Variants in TIAM1 observed in about 807,000 individuals in gnomAD.
TIAM1 encodes rho guanine nucleotide exchange factor TIAM1.
Under a neutral mutation model 163.5 loss-of-function variants are expected in TIAM1, and 65 were observed. The ratio of observed to expected loss-of-function variants is 0.40; its 90% CI spans 0.33 to 0.49. The LOEUF (loss-of-function observed/expected upper bound fraction) is 0.49, where lower values mean the gene tolerates loss of function less well. TIAM1 is among the 20% of genes least tolerant of loss of function. The pLI is 0.77. For missense variants in TIAM1, 1,789 were observed against 2,044.7 expected, an observed-to-expected ratio of 0.87 and a Z score of 2.41; for synonymous variants, 833 against 810.1, an observed-to-expected ratio of 1.03 and a Z score of -0.48.
At chr21:31,331,396 C>A (rs771104286) in intron 2 of TIAM1, among the ~76,000 whole-genome samples, 11 of 152,204 alleles carry the variant, frequency 7.2e-5, no homozygotes, top group Admixed American at 1.3e-4. Context: ...ATAGGCCCAA[C>A]CAGCCACAAT....
chr21:31,165,321 C>G (rs1601377908), intron 15 of TIAM1, among the ~76,000 whole-genome samples: 3 of 152,130 alleles, frequency 2.0e-5, no homozygotes, highest in Admixed American at 2.0e-4. Context: ...TCCCCCCATA[C>G]AAATTCTTAT....
chr21:31,130,333 C>G lies in TIAM1; in HGVS notation c.3943-18G>C, dbSNP rs774173627. ...GATCCTACCTGCAGAGGAGAAGGAA[C>G]CAGCTGCATAAGAAGAATCTAACCT... On this transcript the variant is annotated intron_variant, in intron 24 of 27. Coordinates refer to ENST00000541036, the MANE Select transcript of TIAM1 (RefSeq NM_001353694.2). The G allele has an allele frequency of 2.1e-5, 34 of 1,595,616 alleles. No individual in the cohort carries two copies.
At chr21:31,145,968 G>A (rs8129728) in intron 20 of TIAM1, among the ~76,000 whole-genome samples, 18,305 of 152,138 alleles carry the variant, frequency 0.12, 1,290 homozygotes, top group African/African-American at 0.2. Flanking sequence ...CCAAGAACCT[G>A]TCGACAACGT....
chr21:31,507,653 T>C (rs529527903), intron 1 of TIAM1, among the ~76,000 whole-genome samples: 2 of 152,342 alleles, frequency 1.3e-5, no homozygotes, highest in African/African-American at 4.8e-5. Context: ...CGATCAATCA[T>C]GACCTAAAGT....
chr21:31,455,780 G>C (rs779430091), intron 2 of TIAM1, among the ~76,000 whole-genome samples: 2 of 152,182 alleles, frequency 1.3e-5, no homozygotes, highest in Admixed American at 1.3e-4. Context: ...AACCAAAATT[G>C]AGGAATCTTC....
chr21:31,432,540 A>G (rs1325718478), intron 2 of TIAM1, among the ~76,000 whole-genome samples: 1 of 152,240 alleles, frequency 6.6e-6, no homozygotes, highest in South Asian at 2.1e-4. Context: ...TGGCCTTCCC[A>G]GACACACTCT....
intron 2 of TIAM1, among the ~76,000 whole-genome samples, chr21:31,440,323 C>T (rs2044372707): frequency 6.6e-6 from 1 of 152,184 alleles, no homozygotes; most frequent in African/African-American, 2.4e-5. Context: ...GCTCAAACTA[C>T]ATCTCATGCA....
chr21:31,526,787 C>T (rs1230077420), intron 1 of TIAM1, among the ~76,000 whole-genome samples: 2 of 152,096 alleles, frequency 1.3e-5, no homozygotes, highest in Admixed American at 6.5e-5. Flanking sequence ...CTAAAACCTC[C>T]GCCTCCCAGG....
At chr21:31,391,222 A>C (rs539071055) in intron 2 of TIAM1, among the ~76,000 whole-genome samples, 58 of 152,234 alleles carry the variant, frequency 3.8e-4, no homozygotes, top group Non-Finnish European at 6.6e-4. Flanking sequence ...CAGGGGTGGG[A>C]GGATAAGGAA....
intron 2 of TIAM1, among the ~76,000 whole-genome samples, chr21:31,428,206 G>GATCA (rs945881764): frequency 2.6e-5 from 4 of 151,478 alleles, no homozygotes; most frequent in African/African-American, 9.7e-5. Flanking sequence ...AGTGAGCCGA[G>GATCA]ATCACACCAT....
chr21:31,362,721 C>T (rs1407705589), intron 2 of TIAM1, among the ~76,000 whole-genome samples: 1 of 152,012 alleles, frequency 6.6e-6, no homozygotes, highest in Non-Finnish European at 1.5e-5. Context: ...CCTACCTCAG[C>T]CTCCCAAAGT....
intron 2 of TIAM1, among the ~76,000 whole-genome samples, chr21:31,364,037 G>C (rs1428685036): frequency 6.6e-6 from 1 of 152,160 alleles, no homozygotes; most frequent in African/African-American, 2.4e-5. Context: ...CAACACACAG[G>C]CCTGCTGGTG....
intron 2 of TIAM1, among the ~76,000 whole-genome samples, chr21:31,372,573 G>GTTC (rs2076613530): frequency 1.3e-5 from 2 of 152,200 alleles, no homozygotes; most frequent in Non-Finnish European, 2.9e-5. Flanking sequence ...TGGCCACAGA[G>GTTC]GTGAAGAGAA....
intron 16 of TIAM1, among the ~76,000 whole-genome samples, chr21:31,164,346 C>T (rs553481242): frequency 2.7e-5 from 4 of 150,098 alleles, no homozygotes; most frequent in Non-Finnish European, 5.9e-5. Context: ...GCCGAGATCA[C>T]GCCACTGCCC....
At chr21:31,552,468 G>T (rs1381287068) in intron 1 of TIAM1, among the ~76,000 whole-genome samples, 1 of 152,086 alleles carries the variant, frequency 6.6e-6, no homozygotes, top group Non-Finnish European at 1.5e-5. Flanking sequence ...AGAGATGTAG[G>T]CTGGATCCTT....
At chr21:31,187,279 A>G (rs2085347496) in intron 13 of TIAM1, among the ~76,000 whole-genome samples, 192 bp from the exon 14 acceptor site, 1 of 152,228 alleles carries the variant, frequency 6.6e-6, no homozygotes, top group African/African-American at 2.4e-5. Context: ...TTGTAAAAAT[A>G]AAGATTACTA....
intron 1 of TIAM1, among the ~76,000 whole-genome samples, chr21:31,505,197 TCA>T (rs1381205491): frequency 3.9e-5 from 6 of 152,082 alleles, no homozygotes; most frequent in Non-Finnish European, 7.4e-5. Flanking sequence ...TACTTAACCC[TCA>T]GTTTCCTCAC....
rs1182078933 is a variant in TIAM1, at chr21:31,279,051, TAAAAAA to T, written c.-188-2149_-188-2144del. The stretch of plus-strand genomic sequence containing the variant: ...GGCTGATAATGCATTTTCTATACTT[TAAAAAA>T]ATTACGTATTCAGATAGAATAAAAT... On this transcript the variant is annotated intron_variant, in intron 2 of 27. Coordinates refer to ENST00000541036, the MANE Select transcript of TIAM1 (RefSeq NM_001353694.2). Among the ~76,000 whole-genome samples the T allele has an allele frequency of 2.0e-5, 3 of 152,012 alleles. No individual in the cohort carries two copies. The East Asian group carries it at 5.8e-4, about 29-fold the overall frequency.
intron 2 of TIAM1, among the ~76,000 whole-genome samples, chr21:31,303,815 T>C (rs1159466490): frequency 1.3e-5 from 2 of 151,872 alleles, no homozygotes; most frequent in Admixed American, 6.6e-5. Context: ...TTGTCTCTAC[T>C]AAAAATACAA....
Sources: allele counts gnomAD v4.1 joint callset (sites outside exome capture counted in the v4.1 genomes callset), GRCh38; gene constraint gnomAD v4.1.1; transcripts MANE v1.5; gene names NCBI Gene and HGNC (gene_info 2026-07-23, HGNC 2026-07-21).